Variants in GRM8 observed in about 807,000 individuals in gnomAD.
GRM8 encodes the protein glutamate metabotropic receptor 8, also known as metabotropic glutamate receptor 8.
In GRM8, 47 loss-of-function variants were observed where a neutral mutation model predicts 87.2. That is an observed-to-expected ratio of 0.54 (90% CI 0.43 to 0.69). The LOEUF (loss-of-function observed/expected upper bound fraction) is 0.69. Ranked by LOEUF, GRM8 falls within the 30% of genes least tolerant of loss-of-function variation. The pLI is 0.00. For missense variants in GRM8, 1,019 were observed against 1,139.2 expected (o/e 0.89, Z 1.52); for synonymous variants, 396 against 404.5 (o/e 0.98, Z 0.25).
At chr7:126,689,509 C>T (rs868548754) in intron 7 of GRM8, among the ~76,000 whole-genome samples, 1 of 152,154 alleles carries the variant, frequency 6.6e-6, no homozygotes, top group Non-Finnish European at 1.5e-5. Context: ...AATTTCTCAA[C>T]TGAATGATAA....
At chr7:126,847,684 A>G (rs1278293413) in intron 6 of GRM8, among the ~76,000 whole-genome samples, 1 of 152,160 alleles carries the variant, frequency 6.6e-6, no homozygotes, top group East Asian at 1.9e-4. Context: ...CATGAGCCCA[A>G]GAGAGAGAAT....
intron 2 of GRM8, among the ~76,000 whole-genome samples, chr7:127,174,269 T>A (rs990609574): frequency 6.6e-6 from 1 of 152,178 alleles, no homozygotes; most frequent in African/African-American, 2.4e-5. Flanking sequence ...TCAGATGTTG[T>A]GCATGGCAGC....
chr7:127,062,065 ACC>A (rs1307522491), intron 3 of GRM8, among the ~76,000 whole-genome samples: 1 of 151,098 alleles, frequency 6.6e-6, no homozygotes, highest in Non-Finnish European at 1.5e-5. Flanking sequence ...AATTGCTTGA[ACC>A]CAGGAGGCAG....
chr7:126,539,966 A>G (rs1816345915), intron 8 of GRM8, among the ~76,000 whole-genome samples: 1 of 152,146 alleles, frequency 6.6e-6, no homozygotes, highest in Non-Finnish European at 1.5e-5. Context: ...TCTATGTTAA[A>G]TAATTGTGTG....
chr7:126,749,664 T>C (rs1038520099), intron 7 of GRM8, among the ~76,000 whole-genome samples: 1 of 151,794 alleles, frequency 6.6e-6, no homozygotes, highest in African/African-American at 2.4e-5. Context: ...TTTTTAAAAA[T>C]AGACAAAAGA....
intron 6 of GRM8, among the ~76,000 whole-genome samples, chr7:126,782,896 T>C (rs1313871767): frequency 1.3e-5 from 2 of 152,202 alleles, no homozygotes; most frequent in Non-Finnish European, 2.9e-5. Flanking sequence ...ATAGGTATAG[T>C]GCCAGTGGCT....
chr7:126,981,335 A>G (rs1811505985), intron 3 of GRM8: 1 of 152,182 alleles, frequency 6.6e-6, no homozygotes, highest in Admixed American at 6.5e-5. Context: ...TGCACTCTAT[A>G]TATGTCAGTT....
intron 9 of GRM8, among the ~76,000 whole-genome samples, chr7:126,468,244 C>T (rs1161239380): frequency 1.6e-5 from 2 of 122,300 alleles, no homozygotes; most frequent in East Asian, 4.8e-4. Flanking sequence ...AAGAAAAAGA[C>T]AGTGTACCAT....
intron 7 of GRM8, among the ~76,000 whole-genome samples, chr7:126,706,024 T>C (rs1328131395): frequency 2.0e-5 from 3 of 152,160 alleles, no homozygotes; most frequent in African/African-American, 7.2e-5. Flanking sequence ...ACCATTACTT[T>C]AAGAGAGGAA....
intron 9 of GRM8, among the ~76,000 whole-genome samples, chr7:126,446,609 C>A (rs1443732334): frequency 6.6e-6 from 1 of 151,862 alleles, no homozygotes; most frequent in Non-Finnish European, 1.5e-5. Context: ...TACAAACAAC[C>A]AAGCTGGTGG....
At chr7:127,130,989 T>A (rs570234097) in intron 2 of GRM8, among the ~76,000 whole-genome samples, 18 of 152,188 alleles carry the variant, frequency 1.2e-4, no homozygotes, top group African/African-American at 4.3e-4. Flanking sequence ...TTTGTAGCAG[T>A]GTGATAACAG....
intron 2 of GRM8, among the ~76,000 whole-genome samples, chr7:127,201,443 A>C (rs1378073574): frequency 1.3e-5 from 2 of 152,168 alleles, no homozygotes; most frequent in Non-Finnish European, 1.5e-5. Flanking sequence ...TTCTCAATTA[A>C]GCCTTCTTCC....
intron 3 of GRM8, among the ~76,000 whole-genome samples, chr7:126,940,215 G>C (rs1806761581): frequency 6.6e-6 from 1 of 152,204 alleles, no homozygotes; most frequent in Admixed American, 6.5e-5. Context: ...TATCAGGGCA[G>C]AAGCTATTTA....
chr7:126,711,794 A>C (rs2151427203), intron 7 of GRM8, among the ~76,000 whole-genome samples: 1 of 152,268 alleles, frequency 6.6e-6, no homozygotes, highest in Middle Eastern at 3.4e-3. Context: ...TGTTATGGAG[A>C]TGGCCTTTTT....
At chr7:126,831,796 G>A (rs1795405373) in intron 6 of GRM8, among the ~76,000 whole-genome samples, 1 of 152,154 alleles carries the variant, frequency 6.6e-6, no homozygotes, top group Non-Finnish European at 1.5e-5. Flanking sequence ...ACTGGGAGCT[G>A]TAGACCGGAG....
At chr7:126,439,993 A>T (rs1040692472) in intron 10 of GRM8, among the ~76,000 whole-genome samples, 7 of 152,144 alleles carry the variant, frequency 4.6e-5, no homozygotes, top group Admixed American at 4.6e-4. Flanking sequence ...TTTTTATTAC[A>T]AACAAGTCAA....
At chr7:126,721,855 C>T (rs1368673036) in intron 7 of GRM8, among the ~76,000 whole-genome samples, 1 of 152,034 alleles carries the variant, frequency 6.6e-6, no homozygotes, top group East Asian at 1.9e-4. Flanking sequence ...TAGGCCTAAT[C>T]CTCACCTCAT....
chr7:127,215,209 A>G (rs1283896668), intron 2 of GRM8: 1 of 152,190 alleles, frequency 6.6e-6, no homozygotes, highest in African/African-American at 2.4e-5. Context: ...AATTATCTTA[A>G]CAATTCTTTT....
intron 7 of GRM8, among the ~76,000 whole-genome samples, chr7:126,755,101 A>C (rs1816853585): frequency 6.6e-6 from 1 of 152,048 alleles, no homozygotes; most frequent in Non-Finnish European, 1.5e-5. Flanking sequence ...TAAAGGTATA[A>C]AAAGAAAGTA....
Sources: allele counts gnomAD v4.1 joint callset (sites outside exome capture counted in the v4.1 genomes callset), GRCh38; gene constraint gnomAD v4.1.1; transcripts MANE v1.5; gene names NCBI Gene and HGNC (gene_info 2026-07-23, HGNC 2026-07-21).